The following TNKS variants were observed in gnomAD, a reference collection of about 807,000 sequenced individuals.
The protein encoded by TNKS is tankyrase.
Under a neutral mutation model 135.8 loss-of-function variants are expected in TNKS, and 72 were observed. That is an observed-to-expected ratio of 0.53 (90% CI 0.44 to 0.64). The LOEUF (loss-of-function observed/expected upper bound fraction) is 0.64, where lower values mean the gene tolerates loss of function less well. TNKS is among the 30% of genes least tolerant of loss of function. The pLI, the probability that TNKS is intolerant of heterozygous loss-of-function variation, is 0.00. For missense variants in TNKS, 1,769 were observed against 1,674.0 expected (o/e 1.06, Z -0.99); for synonymous variants, 849 against 649.3 (o/e 1.31, Z -4.68).
chr8:9,771,449 G>C (rs1029204065), intron 26 of TNKS, among the ~76,000 whole-genome samples: 1 of 83,992 alleles, frequency 1.2e-5, no homozygotes, highest in East Asian at 3.8e-4. Flanking sequence ...GAAAGGAAAA[G>C]AGAGAGAAGA....
intron 18 of TNKS, 89 bp downstream of exon 18, chr8:9,748,301 G>T (rs559863161): frequency 5.1e-6 from 6 of 1,172,394 alleles, no homozygotes; most frequent in Non-Finnish European, 6.6e-6. Context: ...ACTTTTAGTC[G>T]TGTTTATTTC....
chr8:9,747,081 C>G (rs1268324951), intron 17 of TNKS, among the ~76,000 whole-genome samples: 2 of 151,902 alleles, frequency 1.3e-5, no homozygotes, highest in Non-Finnish European at 2.9e-5. Flanking sequence ...CGGGGTTTCA[C>G]TATGTTGGCC....
intron 1 of TNKS, among the ~76,000 whole-genome samples, chr8:9,575,901 G>T (rs1380729375): frequency 6.6e-6 from 1 of 152,112 alleles, no homozygotes; most frequent in Non-Finnish European, 1.5e-5. Context: ...TTCAAGAGTT[G>T]GTTTCAGTTC....
chr8:9,591,110 G>C (rs943520115), intron 2 of TNKS, among the ~76,000 whole-genome samples: 1 of 152,204 alleles, frequency 6.6e-6, no homozygotes, highest in Non-Finnish European at 1.5e-5. Context: ...TCATGCCTTT[G>C]CATGTGGCTA....
chr8:9,762,490 G>A (rs1807194990), intron 21 of TNKS, among the ~76,000 whole-genome samples: 2 of 137,204 alleles, frequency 1.5e-5, no homozygotes, highest in Admixed American at 7.6e-5. Context: ...ATATTGTGAT[G>A]TCAGTGCCTG....
At chr8:9,648,349 C>T (rs1800997351) in intron 3 of TNKS, among the ~76,000 whole-genome samples, 1 of 151,948 alleles carries the variant, frequency 6.6e-6, no homozygotes, top group African/African-American at 2.4e-5. Context: ...TACAGCTGTA[C>T]AAAAATATTC....
At chr8:9,676,114 G>T (rs2128795252) in intron 3 of TNKS, among the ~76,000 whole-genome samples, 1 of 150,046 alleles carries the variant, frequency 6.7e-6, no homozygotes, top group East Asian at 2.0e-4. Context: ...CCGGATTCAA[G>T]AGATTCTCCT....
In TNKS at chr8:9,771,015, T is replaced by G. The variant is rs529093210; in HGVS notation, c.3897+753T>G. On this transcript the variant is annotated intron_variant, in intron 26 of 26. Coordinates refer to ENST00000310430, the MANE Select transcript of TNKS (RefSeq NM_003747.3). ...AAAGACTCTAAGGGTGGACTGAAAT[T>G]GGAAGTATTACTATGATCTCATGGT... is the stretch of plus-strand genomic sequence containing the variant. Among the ~76,000 whole-genome samples the G allele has an allele frequency of 6.2e-4, 94 of 152,226 alleles. 1 individual carries two copies. The Middle Eastern group carries it at 0.014, about 22-fold the overall frequency.
At chr8:9,639,011 C>A (rs1800625464) in intron 3 of TNKS, among the ~76,000 whole-genome samples, 3 of 152,094 alleles carry the variant, frequency 2.0e-5, no homozygotes, top group African/African-American at 7.2e-5. Context: ...AGTTTTCCCT[C>A]AAAACAAATT....
At chr8:9,761,672 T>G (rs1807155994) in intron 21 of TNKS, 36 bp downstream of exon 21, 1 of 1,575,782 alleles carries the variant, frequency 6.3e-7, no homozygotes, top group African/African-American at 1.4e-5. Context: ...ATTTCAGAAA[T>G]CAGTGGTACA....
chr8:9,767,678 G>A (rs1012886998), intron 25 of TNKS, among the ~76,000 whole-genome samples: 3 of 151,970 alleles, frequency 2.0e-5, no homozygotes, highest in African/African-American at 7.3e-5. Context: ...AGAAATTTTC[G>A]GCTGGGCATG....
At chr8:9,741,978 T>G (rs1056174398) in intron 17 of TNKS, among the ~76,000 whole-genome samples, 35 of 152,196 alleles carry the variant, frequency 2.3e-4, no homozygotes, top group African/African-American at 8.4e-4. Context: ...GGTATCCTCT[T>G]TTTATGTTTG....
At chr8:9,600,347 T>C (rs1798968205) in intron 2 of TNKS, among the ~76,000 whole-genome samples, 1 of 152,166 alleles carries the variant, frequency 6.6e-6, no homozygotes, top group Non-Finnish European at 1.5e-5. Flanking sequence ...GGGGTCTCAC[T>C]CTGTCAGTCA....
At chr8:9,651,153 C>G (rs996472209) in intron 3 of TNKS, among the ~76,000 whole-genome samples, 2 of 151,988 alleles carry the variant, frequency 1.3e-5, no homozygotes, top group Non-Finnish European at 2.9e-5. Context: ...TCTGGGTCCT[C>G]TCTTCTGTTC....
At position 9,780,654 on chromosome 8, in the gene TNKS, T is replaced by C. The variant is rs1808420700; in HGVS notation, c.*3918T>C. The C allele has an allele frequency of 6.6e-6, 1 of 152,242 alleles. No individual in the cohort carries two copies. The highest frequency in any genetic ancestry group is 6.5e-5 in the Admixed American group (1 of 15,282). 9.4% of individuals were successfully genotyped at this position (152,242 alleles called of 1,614,324 possible). A position where few individuals can be genotyped will look rare whatever the true frequency, so the allele number is the denominator to read the frequency against. ...TTTTTCCCCTCTAGAAAGCCTTAAC[T>C]ATGGCGGAAACTTTTTAACCTTTTA... On this transcript the variant is annotated 3_prime_UTR_variant, in exon 27 of 27. Transcript: ENST00000310430.
intron 3 of TNKS, among the ~76,000 whole-genome samples, chr8:9,640,588 G>C (rs1471461840): frequency 2.7e-5 from 4 of 145,758 alleles, no homozygotes; most frequent in Non-Finnish European, 3.0e-5. Context: ...TTATATGCAC[G>C]GTAATGATTA....
At chr8:9,661,490 T>TC (rs1468993322) in intron 3 of TNKS, among the ~76,000 whole-genome samples, 1 of 152,080 alleles carries the variant, frequency 6.6e-6, no homozygotes, top group African/African-American at 2.4e-5. Flanking sequence ...GGGAAAGGAT[T>TC]CCCTATTTAA....
At chr8:9,738,606 T>C (rs1437405559) in intron 17 of TNKS, among the ~76,000 whole-genome samples, 1 of 42,504 alleles carries the variant, frequency 2.4e-5, no homozygotes, top group Non-Finnish European at 4.2e-5. Context: ...GGAGTCTTTG[T>C]TCTCATTGGT....
intron 3 of TNKS, among the ~76,000 whole-genome samples, chr8:9,654,100 A>T (rs1801250250): frequency 6.6e-6 from 1 of 152,200 alleles, no homozygotes; most frequent in African/African-American, 2.4e-5. Context: ...CCAAATATCT[A>T]TACCTGCATT....
Sources: allele counts gnomAD v4.1 joint callset (sites outside exome capture counted in the v4.1 genomes callset), GRCh38; gene constraint gnomAD v4.1.1; transcripts MANE v1.5; gene names NCBI Gene and HGNC (gene_info 2026-07-23, HGNC 2026-07-21).